RBPJ: variants seen among roughly 807,000 people sequenced by gnomAD.
RBPJ encodes the protein recombination signal binding protein for immunoglobulin kappa J region, also known as recombining binding protein suppressor of hairless.
RBPJ carries 9 observed loss-of-function variants against 67.8 expected under a neutral mutation model. The ratio of observed to expected loss-of-function variants is 0.13; its 90% CI spans 0.08 to 0.23. RBPJ has a LOEUF of 0.23. RBPJ is among the 10% of genes least tolerant of loss of function. The pLI, the probability that RBPJ is intolerant of heterozygous loss-of-function variation, is 1.00. For missense variants in RBPJ, 305 were observed against 595.6 expected (o/e 0.51, Z 5.08); for synonymous variants, 198 against 203.3 (o/e 0.97, Z 0.22).
At chr4:26,107,597 C>T in the RBPJ span, among the ~76,000 whole-genome samples, 5 of 152,338 alleles carry the variant, frequency 3.3e-5, no homozygotes, top group Non-Finnish European at 5.9e-5. Context: ...CAACGTGGCC[C>T]TCAGATGCTT....
chr4:26,256,145 A>G (rs1029184988), intron 1 of RBPJ, among the ~76,000 whole-genome samples: 1 of 152,190 alleles, frequency 6.6e-6, no homozygotes, highest in Non-Finnish European at 1.5e-5. Context: ...GTCTCTAGAC[A>G]CTAAACTGTC....
At chr4:26,368,071 T>C (rs1013912412) in intron 1 of RBPJ, 3 of 152,240 alleles carry the variant, frequency 2.0e-5, no homozygotes, top group African/African-American at 7.2e-5. Flanking sequence ...TTCTCTGAAT[T>C]GGGCATGATA....
intron 1 of RBPJ, among the ~76,000 whole-genome samples, chr4:26,363,851 A>G (rs1464938174): frequency 2.0e-5 from 3 of 152,224 alleles, no homozygotes; most frequent in Non-Finnish European, 4.4e-5. Flanking sequence ...TGTGGTTACT[A>G]GTATAGTAAT....
the RBPJ span, among the ~76,000 whole-genome samples, chr4:26,151,115 A>G: frequency 6.6e-6 from 1 of 152,130 alleles, no homozygotes; most frequent in Non-Finnish European, 1.5e-5. Context: ...AATGATACCA[A>G]ATGGCACCGA....
upstream of RBPJ, chr4:26,319,737 G>A: frequency 1.2e-6 from 1 of 835,832 alleles, no homozygotes; most frequent in South Asian, 1.4e-5. Flanking sequence ...TGCCGCTCGC[G>A]CGGGCCGCGC....
At chr4:26,376,873 T>G (rs1171300154) in intron 1 of RBPJ, among the ~76,000 whole-genome samples, 1 of 152,232 alleles carries the variant, frequency 6.6e-6, no homozygotes, top group Non-Finnish European at 1.5e-5. Context: ...GGTTTTGATT[T>G]GCATTTCCCT....
chr4:26,414,610 G>A (rs550041326), intron 3 of RBPJ, among the ~76,000 whole-genome samples: 8 of 152,264 alleles, frequency 5.3e-5, no homozygotes, highest in South Asian at 4.1e-4. Flanking sequence ...TTATAATTGA[G>A]CAAAGGTGAA....
At chr4:26,280,698 G>A (rs910838815) in intron 1 of RBPJ, among the ~76,000 whole-genome samples, 2 of 151,954 alleles carry the variant, frequency 1.3e-5, no homozygotes, top group African/African-American at 4.8e-5. Context: ...ACTGAAGCAT[G>A]GTTAAAATGG....
In RBPJ at chr4:26,433,788, G is replaced by T. The variant is rs1309075445; in HGVS notation, c.*2781G>T. The T allele has an allele frequency of 6.6e-6, 1 of 152,092 alleles. No individual in the cohort carries two copies. Among genetic ancestry groups the T allele is most frequent in the Non-Finnish European group, 1.5e-5 (1 of 68,012 alleles). 9.4% of individuals were successfully genotyped at this position (152,092 alleles called of 1,614,324 possible). A position where few individuals can be genotyped will look rare whatever the true frequency, so the allele number is the denominator to read the frequency against. On this transcript the variant is annotated 3_prime_UTR_variant, in exon 11 of 11. Coordinates refer to ENST00000355476, the MANE Select transcript of RBPJ (RefSeq NM_015874.6). ...TGGTTTTGTGAATCATTTTCAGTAT[G>T]TAATTTATAGGAACCTTGTCCTCTG...
chr4:26,359,070 C>T lies in RBPJ; in HGVS notation c.21-27283C>T, dbSNP rs906061982. 2.6e-5 allele frequency among the ~76,000 whole-genome samples: 4 copies of T among 152,298 alleles called. 1 individual carries two copies. Among genetic ancestry groups the T allele is most frequent in the African/African-American group, 9.6e-5 (4 of 41,558 alleles). On this transcript the variant is annotated intron_variant, in intron 1 of 10. Coordinates refer to ENST00000355476, the MANE Select transcript of RBPJ (RefSeq NM_015874.6). The stretch of plus-strand genomic sequence containing the variant: ...TCTTAAGCTTTGCTGCCACTCTTAA[C>T]ACCTTTGTCAAGGTGCTGTCATAAG...
rs79533922 is a variant in RBPJ at position 26,416,046 on chromosome 4, G to A, written c.321+406G>A. Reference sequence around the variant, plus strand: ...TACTAGACACGATGATATATACATTGTGGAAAGCATTTATCTGGGTTATAA... The same window carrying A: ...TACTAGACACGATGATATATACATTATGGAAAGCATTTATCTGGGTTATAA... On this transcript the variant is annotated intron_variant, in intron 4 of 10. Transcript: ENST00000355476. Among the ~76,000 whole-genome samples the A allele has an allele frequency of 0.093, 14,166 of 152,152 alleles. 840 individuals carry two copies. Among genetic ancestry groups the A allele is most frequent in the East Asian group, 0.3 (1,544 of 5,170 alleles).
At chr4:26,136,307 C>T in the RBPJ span, among the ~76,000 whole-genome samples, 2 of 152,336 alleles carry the variant, frequency 1.3e-5, no homozygotes, top group East Asian at 3.9e-4. Flanking sequence ...GATCTTGGCT[C>T]CCCAGCCCTC....
chr4:26,208,220 T>C (rs1254258836), intron 1 of RBPJ, among the ~76,000 whole-genome samples: 2 of 152,238 alleles, frequency 1.3e-5, no homozygotes, highest in Non-Finnish European at 2.9e-5. Context: ...ATGAGATAGA[T>C]ACAACTATCT....
chr4:26,383,511 A>G lies in RBPJ; in HGVS notation c.21-2842A>G, dbSNP rs188531199. Among the ~76,000 whole-genome samples, 692 of 152,332 alleles carry G rather than the reference A, an allele frequency of 4.5e-3. 5 individuals carry two copies. Among genetic ancestry groups the G allele is most frequent in the African/African-American group, 0.016 (668 of 41,566 alleles). ...GTGTCTCTAAAATTTTTACTATTTT[A>G]AGCCTTAGGTAGAATTTGGTCATAC... On this transcript the variant is annotated intron_variant, in intron 1 of 10. Transcript: ENST00000355476.
At position 26,431,227 on chromosome 4, in the gene RBPJ, A is replaced by G. The variant is rs904881909; in HGVS notation, c.*220A>G. Reference sequence around the variant, plus strand: ...AAAAAAAAAAGAAAAAAAAATCAAAATGTATAAATATTGGAAATCAAGTTT... The same window carrying G: ...AAAAAAAAAAGAAAAAAAAATCAAAGTGTATAAATATTGGAAATCAAGTTT... On this transcript the variant is annotated 3_prime_UTR_variant, in exon 11 of 11. Transcript: ENST00000355476. 21 of 401,522 alleles carry G rather than the reference A, an allele frequency of 5.2e-5. No homozygotes were observed. Among genetic ancestry groups the G allele is most frequent in the Admixed American group, 4.1e-5 (1 of 24,474 alleles). The allele number at this position is 401,522 out of a possible 1,614,324, so 24.9% of individuals were successfully genotyped here. A position where few individuals can be genotyped will look rare whatever the true frequency, so the allele number is the denominator to read the frequency against.
At chr4:26,320,863 G>T (rs1159656642), upstream of RBPJ, 3 of 1,572,510 alleles carry the variant, frequency 1.9e-6, no homozygotes, top group African/African-American at 2.7e-5. Context: ...CTCTGCGGGC[G>T]GCGCGAGGCG....
At chr4:26,228,911 C>T (rs1314438994) in intron 1 of RBPJ, among the ~76,000 whole-genome samples, 5 of 152,166 alleles carry the variant, frequency 3.3e-5, no homozygotes, top group Non-Finnish European at 7.3e-5. Flanking sequence ...CTCCTTGTTT[C>T]GGGCCTGACT....
chr4:26,146,870 C>T, the RBPJ span, among the ~76,000 whole-genome samples: 49 of 152,186 alleles, frequency 3.2e-4, 1 homozygote, highest in African/African-American at 1.1e-3. Flanking sequence ...TAAAACAAAT[C>T]GAGCAATCAG....
At chr4:26,367,436 C>T (rs1299466380) in intron 1 of RBPJ, among the ~76,000 whole-genome samples, 1 of 152,184 alleles carries the variant, frequency 6.6e-6, no homozygotes, top group Non-Finnish European at 1.5e-5. Context: ...TGGCACTACA[C>T]TCCAGCCTGG....
Sources: gnomAD v4.1 joint callset for allele counts (sites outside exome capture counted in the v4.1 genomes callset) on GRCh38, gnomAD v4.1.1 for gene constraint, MANE v1.5 for transcripts, NCBI Gene and HGNC (gene_info 2026-07-23, HGNC 2026-07-21) for gene names.